The following FOCAD variants were observed in gnomAD, a reference collection of about 807,000 sequenced individuals.
The protein encoded by FOCAD is focadhesin, also known as KIAA1797.
FOCAD carries 198 observed loss-of-function variants against 225.6 expected under a neutral mutation model. That is an observed-to-expected ratio of 0.88 (90% CI 0.78 to 0.99). FOCAD has a LOEUF of 0.99. Among genes scored for constraint, FOCAD ranks in the 50% least tolerant of loss-of-function variants. The pLI, the probability that FOCAD is intolerant of heterozygous loss-of-function variation, is 0.00. For synonymous variants in FOCAD, 897 were observed against 755.0 expected (o/e 1.19, Z -3.08); for missense variants, 2,713 against 2,123.6 (o/e 1.28, Z -5.46).
chr9:20,948,967 T>C (rs1425897558), intron 32 of FOCAD, 39 bp downstream of exon 32: 3 of 1,566,642 alleles, frequency 1.9e-6, no homozygotes, highest in East Asian at 2.2e-5. Flanking sequence ...CATCTAAATA[T>C]GTACATAGCC....
chr9:20,865,029 G>A (rs1829102576), intron 16 of FOCAD, among the ~76,000 whole-genome samples: 1 of 152,090 alleles, frequency 6.6e-6, no homozygotes, highest in South Asian at 2.1e-4. Flanking sequence ...GCTGATGTCT[G>A]AATCCAGGAC....
chr9:20,772,684 C>T (rs148989510), intron 8 of FOCAD, among the ~76,000 whole-genome samples: 86 of 151,286 alleles, frequency 5.7e-4, no homozygotes, highest in African/African-American at 1.6e-3. Flanking sequence ...GGTTGGGGGG[C>T]GTGGAAATTG....
At chr9:20,984,397 T>C (rs895408244) in intron 39 of FOCAD, among the ~76,000 whole-genome samples, 1 of 152,200 alleles carries the variant, frequency 6.6e-6, no homozygotes, top group Non-Finnish European at 1.5e-5. Context: ...GCCAAAGAGC[T>C]TTTAATTATA....
At chr9:20,787,143 A>T (rs980576473) in intron 10 of FOCAD, 1 of 177,160 alleles carries the variant, frequency 5.6e-6, no homozygotes, top group African/African-American at 2.4e-5. Context: ...TAACAGTTCA[A>T]GTAACCTAGG....
At chr9:20,738,962 G>C (rs1194088998) in intron 4 of FOCAD, among the ~76,000 whole-genome samples, 1 of 151,766 alleles carries the variant, frequency 6.6e-6, no homozygotes, top group East Asian at 1.9e-4. Context: ...TTTAAATCTA[G>C]CATGTATTTT....
At chr9:20,837,586 G>A (rs1046874566) in intron 15 of FOCAD, among the ~76,000 whole-genome samples, 1 of 152,064 alleles carries the variant, frequency 6.6e-6, no homozygotes, top group African/African-American at 2.4e-5. Context: ...GACAGGGAGT[G>A]TAGAGACAGA....
intron 28 of FOCAD, among the ~76,000 whole-genome samples, chr9:20,935,581 G>A (rs556154190): frequency 6.6e-6 from 1 of 152,224 alleles, no homozygotes; most frequent in South Asian, 2.1e-4. Context: ...TGTATTTTTA[G>A]TAGAGATGGG....
chr9:20,731,597 CATCT>C (rs1262355663), intron 4 of FOCAD, among the ~76,000 whole-genome samples: 1 of 152,098 alleles, frequency 6.6e-6, no homozygotes, highest in Non-Finnish European at 1.5e-5. Context: ...TCCATCCATC[CATCT>C]ATTAATTAAA....
At chr9:20,716,422 AT>A (rs1303535716) in intron 2 of FOCAD, among the ~76,000 whole-genome samples, 1 of 152,050 alleles carries the variant, frequency 6.6e-6, no homozygotes, top group Non-Finnish European at 1.5e-5. Flanking sequence ...ATGTAGGCTG[AT>A]TTATCCTTGG....
intron 5 of FOCAD, among the ~76,000 whole-genome samples, chr9:20,741,916 G>C (rs1056511096): frequency 3.9e-5 from 6 of 151,970 alleles, no homozygotes; most frequent in Admixed American, 6.6e-5. Flanking sequence ...TTTCTAAATA[G>C]GGAAGCTATT....
intron 24 of FOCAD, among the ~76,000 whole-genome samples, chr9:20,918,854 G>A (rs559318707): frequency 6.6e-6 from 1 of 152,282 alleles, no homozygotes; most frequent in South Asian, 2.1e-4. Flanking sequence ...TGGTGATAGA[G>A]CAGGGGAAAA....
At chr9:20,992,531 A>G (rs1841760020) in intron 42 of FOCAD, among the ~76,000 whole-genome samples, 1 of 152,228 alleles carries the variant, frequency 6.6e-6, no homozygotes, top group Non-Finnish European at 1.5e-5. Context: ...ACTTGGGTTC[A>G]AATCTTAACT....
chr9:20,701,483 G>A (rs1158675037), intron 1 of FOCAD, among the ~76,000 whole-genome samples: 1 of 152,074 alleles, frequency 6.6e-6, no homozygotes, highest in Non-Finnish European at 1.5e-5. Flanking sequence ...ATTAATTTTA[G>A]TGATTATTTA....
intron 2 of FOCAD, among the ~76,000 whole-genome samples, chr9:20,675,951 G>A (rs527280188): frequency 2.0e-5 from 3 of 152,172 alleles, no homozygotes; most frequent in East Asian, 1.9e-4. Context: ...TCTATGAATC[G>A]TCTGCGTAGA....
intron 23 of FOCAD, among the ~76,000 whole-genome samples, chr9:20,913,910 G>C (rs1200224057): frequency 6.6e-6 from 1 of 152,058 alleles, no homozygotes; most frequent in Non-Finnish European, 1.5e-5. Context: ...CATATTCCTA[G>C]TGAAAACTCA....
At chr9:20,934,780 A>G (rs1835800554) in intron 28 of FOCAD, among the ~76,000 whole-genome samples, 1 of 152,158 alleles carries the variant, frequency 6.6e-6, no homozygotes, top group Non-Finnish European at 1.5e-5. Context: ...TCTGGACACA[A>G]AATTAATGTA....
At chr9:20,870,850 G>C (rs1227467445) in intron 18 of FOCAD, among the ~76,000 whole-genome samples, 1 of 152,086 alleles carries the variant, frequency 6.6e-6, no homozygotes, top group Non-Finnish European at 1.5e-5. Flanking sequence ...GGGTTTATTG[G>C]GACATAACCC....
Position 20,823,105 on chromosome 9 carries a change from G to A in FOCAD, c.1910G>A (p.Cys637Tyr). Residue 637 changes from cysteine (C) to tyrosine (Y), a missense_variant, in exon 15 of 44, where the codon TGT becomes TAT. By Grantham distance (194) the Cys-to-Tyr change is radical. Transcript: ENST00000338382. ...GTATTACAGGGTCTTCATGCACTCT[G>A]TCAAGCTGAGGTAGGCATTTTTAAA... ...ALVLQGLHAL[C>Y]QAEVVCIRST... The A allele has an allele frequency of 1.9e-6, 3 of 1,605,228 alleles. No individual in the cohort carries two copies. Among genetic ancestry groups the A allele is most frequent in the Non-Finnish European group, 2.5e-6 (3 of 1,176,824 alleles).
At chr9:20,808,390 C>T (rs1401516965) in intron 11 of FOCAD, among the ~76,000 whole-genome samples, 3 of 152,156 alleles carry the variant, frequency 2.0e-5, no homozygotes, top group Non-Finnish European at 4.4e-5. Flanking sequence ...GTAAGGCATT[C>T]ACAGGCTAGT....
Sources: allele counts gnomAD v4.1 joint callset (sites outside exome capture counted in the v4.1 genomes callset), GRCh38; gene constraint gnomAD v4.1.1; transcripts MANE v1.5; gene names NCBI Gene and HGNC (gene_info 2026-07-23, HGNC 2026-07-21).